Variants in B3GALT1 observed in about 807,000 individuals in gnomAD.
The protein encoded by B3GALT1 is UDP-Gal:betaGlcNAc beta 1,3-galactosyltransferase, polypeptide 1.
Under a neutral mutation model 23.2 loss-of-function variants are expected in B3GALT1, and 10 were observed. The observed-to-expected ratio is 0.43, with a 90% CI of 0.27 to 0.73. B3GALT1 has a LOEUF of 0.73. B3GALT1 is among the 30% of genes least tolerant of loss of function. B3GALT1 has a pLI of 0.21. For synonymous variants in B3GALT1, 156 were observed against 141.5 expected (o/e 1.10, Z -0.73); for missense variants, 299 against 405.4 (o/e 0.74, Z 2.25).
chr2:167,579,044 A>G (rs1190403576), intron 2 of B3GALT1, among the ~76,000 whole-genome samples: 1 of 152,092 alleles, frequency 6.6e-6, no homozygotes, highest in Non-Finnish European at 1.5e-5. Flanking sequence ...ATAGTCTTTG[A>G]CAGAGCTTGC....
chr2:167,606,276 A>G (rs1684960602), intron 2 of B3GALT1, among the ~76,000 whole-genome samples: 2 of 152,312 alleles, frequency 1.3e-5, no homozygotes, highest in South Asian at 4.1e-4. Flanking sequence ...ACTTAATTGA[A>G]AGAAACCTAT....
chr2:167,483,021 G>A (rs1419694202), intron 1 of B3GALT1, among the ~76,000 whole-genome samples: 1 of 151,904 alleles, frequency 6.6e-6, no homozygotes, highest in Admixed American at 6.6e-5. Context: ...TGGCCAGGCG[G>A]GGTGGCTCAC....
intron 2 of B3GALT1, among the ~76,000 whole-genome samples, chr2:167,565,045 C>G (rs1486563131): frequency 1.1e-4 from 17 of 152,158 alleles, no homozygotes; most frequent in Admixed American, 8.5e-4. Context: ...GCCCGCATTG[C>G]CAAGTCAATC....
intron 2 of B3GALT1, among the ~76,000 whole-genome samples, chr2:167,547,693 CA>C (rs71031296): frequency 0.031 from 2,306 of 75,482 alleles, 57 homozygotes; most frequent in East Asian, 0.16. Flanking sequence ...GACTCTGTCT[CA>C]AAAAAAAAAA....
At chr2:167,620,536 T>A (rs761291667) in intron 2 of B3GALT1, among the ~76,000 whole-genome samples, 2 of 152,116 alleles carry the variant, frequency 1.3e-5, no homozygotes, top group Non-Finnish European at 2.9e-5. Flanking sequence ...TATTTATATT[T>A]GCAAATCTCA....
At chr2:167,372,352 T>A (rs1697699811) in intron 1 of B3GALT1, among the ~76,000 whole-genome samples, 1 of 152,064 alleles carries the variant, frequency 6.6e-6, no homozygotes, top group Admixed American at 6.5e-5. Context: ...GATGGAAGCA[T>A]CCTCAATATT....
chr2:167,381,889 TTATC>T (rs1390084073), intron 1 of B3GALT1, among the ~76,000 whole-genome samples: 11 of 152,164 alleles, frequency 7.2e-5, no homozygotes, highest in African/African-American at 2.7e-4. Flanking sequence ...TTTGATCAGT[TTATC>T]TTTCTTTTTA....
chr2:167,743,535 C>A (rs1430918535), intron 3 of B3GALT1, among the ~76,000 whole-genome samples: 1 of 151,834 alleles, frequency 6.6e-6, no homozygotes. Context: ...CTGTTTTTAT[C>A]TTTTGCCCAT....
Position 167,714,680 on chromosome 2 carries a change from T to G in B3GALT1, c.-352+67714T>G, listed in dbSNP as rs4086156. The stretch of plus-strand genomic sequence containing the variant: ...AGCAGTCCGAGCTGCCAACCAATTA[T>G]TATGTCCTTTTTTCTCGTAGGAAAT... On this transcript the variant is annotated intron_variant, in intron 3 of 4. Transcript: ENST00000392690. The G allele has an allele frequency of 6.9e-3, 11,088 of 1,613,884 alleles. 779 individuals are homozygous for G. The East Asian group carries it at 0.18, about 26-fold the overall frequency.
At chr2:167,398,983 C>T (rs975068687) in intron 1 of B3GALT1, among the ~76,000 whole-genome samples, 1 of 152,120 alleles carries the variant, frequency 6.6e-6, no homozygotes, top group Non-Finnish European at 1.5e-5. Context: ...ACCTTACTGA[C>T]TGAAAATAAT....
At chr2:167,632,238 A>T (rs538270075) in intron 2 of B3GALT1, among the ~76,000 whole-genome samples, 4 of 152,152 alleles carry the variant, frequency 2.6e-5, no homozygotes, top group African/African-American at 7.2e-5. Context: ...TATTGTGAAT[A>T]GTGCTGCAGT....
intron 2 of B3GALT1, among the ~76,000 whole-genome samples, chr2:167,510,928 C>T (rs1699995044): frequency 2.0e-5 from 3 of 151,954 alleles, no homozygotes; most frequent in African/African-American, 7.3e-5. Context: ...GGGATGTGAT[C>T]ATCAGGTGAA....
At chr2:167,605,782 C>A (rs758857499) in intron 2 of B3GALT1, among the ~76,000 whole-genome samples, 13 of 152,166 alleles carry the variant, frequency 8.5e-5, no homozygotes, top group Non-Finnish European at 1.6e-4. Context: ...TTCTGTAAAC[C>A]TCAGAACAAG....
intron 2 of B3GALT1, among the ~76,000 whole-genome samples, chr2:167,617,392 A>G (rs1685179026): frequency 6.6e-6 from 1 of 152,094 alleles, no homozygotes; most frequent in Non-Finnish European, 1.5e-5. Context: ...GCAAAGAGAC[A>G]TGGTATGCTT....
chr2:167,341,045 G>A (rs1216901759), intron 1 of B3GALT1, among the ~76,000 whole-genome samples: 3 of 152,132 alleles, frequency 2.0e-5, no homozygotes, highest in Admixed American at 2.0e-4. Flanking sequence ...CTGACATTAA[G>A]AACTCAGTGG....
chr2:167,504,207 T>C (rs1699886779), intron 2 of B3GALT1, among the ~76,000 whole-genome samples: 1 of 152,178 alleles, frequency 6.6e-6, no homozygotes, highest in African/African-American at 2.4e-5. Flanking sequence ...GCCAAGCCCA[T>C]AGATTGAATG....
At chr2:167,309,292 A>G (rs1210397444) in intron 1 of B3GALT1, among the ~76,000 whole-genome samples, 1 of 151,986 alleles carries the variant, frequency 6.6e-6, no homozygotes, top group Non-Finnish European at 1.5e-5. Context: ...CTTTTTATAC[A>G]TTCAGGGCTA....
intron 2 of B3GALT1, among the ~76,000 whole-genome samples, chr2:167,607,003 G>T (rs1032886903): frequency 6.6e-6 from 1 of 152,136 alleles, no homozygotes; most frequent in Non-Finnish European, 1.5e-5. Context: ...GCCTACAAAA[G>T]ATCCTGCAGG....
At chr2:167,770,132 C>T (rs945622071) in intron 3 of B3GALT1, among the ~76,000 whole-genome samples, 2 of 152,022 alleles carry the variant, frequency 1.3e-5, no homozygotes, top group Non-Finnish European at 2.9e-5. Context: ...TTTGAGACTG[C>T]GTCTCCCGCT....
Sources: gnomAD v4.1 joint callset for allele counts (sites outside exome capture counted in the v4.1 genomes callset) on GRCh38, gnomAD v4.1.1 for gene constraint, MANE v1.5 for transcripts, NCBI Gene and HGNC (gene_info 2026-07-23, HGNC 2026-07-21) for gene names.